TMEM19: variants seen among roughly 807,000 people sequenced by gnomAD.
TMEM19 encodes the protein transmembrane protein 19.
A neutral mutation model predicts 33.6 loss-of-function variants in TMEM19; 21 were observed. The ratio of observed to expected loss-of-function variants is 0.62; its 90% CI spans 0.44 to 0.90. The LOEUF (loss-of-function observed/expected upper bound fraction) is 0.90, where lower values mean the gene tolerates loss of function less well. TMEM19 is among the 40% of genes least tolerant of loss of function. The probability of loss-of-function intolerance (pLI) is 0.00; values close to 1 mark genes in which losing one functional copy is unlikely to be tolerated. For missense variants in TMEM19, 402 were observed against 401.8 expected (o/e 1.00, Z 0.00); for synonymous variants, 149 against 147.5 (o/e 1.01, Z -0.07).
At chr12:71,686,957 A>G (rs892197326) in intron 1 of TMEM19, 147 bp downstream of exon 1, 2 of 684,652 alleles carry the variant, frequency 2.9e-6, no homozygotes, top group Non-Finnish European at 4.6e-6. Flanking sequence ...TAACTTACTA[A>G]CATGATAGTA....
Position 71,686,716 on chromosome 12 carries a change from T to C in TMEM19, c.36T>C (p.Tyr12=), listed in dbSNP as rs376022933. The change falls in exon 1 of 6, where the codon TAT becomes TAC. Residue 12 remains tyrosine, a synonymous_variant. Coordinates refer to ENST00000266673, the MANE Select transcript of TMEM19 (RefSeq NM_018279.4). ...TTAACGACAATATATGCAAAAGATA[T>C]ATAAAGATGATAACTAATATAGTTA... ...TDLNDNICKR[Y]IKMITNIVIL... 5.6e-6 allele frequency: 9 copies of C among 1,611,928 alleles called. No individual in the cohort carries two copies. Among genetic ancestry groups the C allele is most frequent in the South Asian group, 1.1e-5 (1 of 90,704 alleles).
At position 71,686,736 on chromosome 12, in the gene TMEM19, T is replaced by C. The variant is rs148461856; in HGVS notation, c.56T>C (p.Ile19Thr). 18 of 1,612,688 alleles carry C rather than the reference T, an allele frequency of 1.1e-5. No individual in the cohort carries two copies. The highest frequency in any genetic ancestry group is 1.4e-5 in the Non-Finnish European group (17 of 1,179,340). The change falls in exon 1 of 6, where the codon ATA (isoleucine) becomes ACA (threonine). Residue 19 changes from isoleucine (I) to threonine (T), a missense_variant. Transcript: ENST00000266673. ...CKRYIKMITN[I>T]VILSLIICIS... ...AGATATATAAAGATGATAACTAATA[T>C]AGTTATACTGAGCCTGATCATTTGC...
Position 71,704,043 on chromosome 12 carries a change from C to A in TMEM19, c.*3048C>A, listed in dbSNP as rs191595666. ...TCTATGTAACAGCATAATAAAACTG[C>A]CTACCTAGCAGCATAAAGGTGTACT... is the stretch of plus-strand genomic sequence containing the variant. On this transcript the variant is annotated 3_prime_UTR_variant, in exon 6 of 6. Coordinates refer to ENST00000266673, the MANE Select transcript of TMEM19 (RefSeq NM_018279.4). The A allele has an allele frequency of 1.5e-3, 683 of 452,026 alleles. 1 individual carries two copies. Among genetic ancestry groups the A allele is most frequent in the Non-Finnish European group, 2.5e-3 (552 of 224,122 alleles). The allele number at this position is 452,026 out of a possible 1,614,324, so 28.0% of individuals were successfully genotyped here. A position where few individuals can be genotyped will look rare whatever the true frequency, so the allele number is the denominator to read the frequency against.
chr12:71,688,245 T>A (rs1881726058), intron 1 of TMEM19, among the ~76,000 whole-genome samples: 1 of 152,204 alleles, frequency 6.6e-6, no homozygotes, highest in South Asian at 2.1e-4. Context: ...TCATTTCCCC[T>A]TTATTTTTCT....
At position 71,701,203 on chromosome 12, in the gene TMEM19, T is replaced by TA. The variant is rs1285456532; in HGVS notation, c.*209dup. 1 of 436,050 alleles carries TA rather than the reference T, an allele frequency of 2.3e-6. No individual in the cohort carries two copies. Among genetic ancestry groups the TA allele is most frequent in the African/African-American group, 2.0e-5 (1 of 49,736 alleles). The allele number at this position is 436,050 out of a possible 1,614,324, so 27.0% of individuals were successfully genotyped here. On this transcript the variant is annotated 3_prime_UTR_variant, in exon 6 of 6. Transcript: ENST00000266673. ...GTGAAAGAGAAGAATTCCTAGAACT[T>TA]ATGCATTTTTTTCCTGCTGAATGGA...
intron 2 of TMEM19, among the ~76,000 whole-genome samples, chr12:71,695,572 T>C (rs1452130381): frequency 6.6e-6 from 1 of 152,246 alleles, no homozygotes; most frequent in Non-Finnish European, 1.5e-5. Flanking sequence ...TTATCATTAT[T>C]ATTGTTGAGC....
intron 3 of TMEM19, among the ~76,000 whole-genome samples, chr12:71,696,787 C>T (rs1385311516): frequency 6.6e-6 from 1 of 151,986 alleles, no homozygotes; most frequent in African/African-American, 2.4e-5. Context: ...GCTGGGACTA[C>T]AGGCGCCTGC....
At chr12:71,689,401 C>T (rs1305673429) in intron 1 of TMEM19, among the ~76,000 whole-genome samples, 190 bp from the exon 2 acceptor site, 3 of 152,176 alleles carry the variant, frequency 2.0e-5, no homozygotes, top group African/African-American at 7.2e-5. Context: ...ATGAAATCAC[C>T]TAAGGATGCA....
intron 1 of TMEM19, among the ~76,000 whole-genome samples, chr12:71,687,870 T>G (rs552410082): frequency 6.6e-6 from 1 of 152,292 alleles, no homozygotes; most frequent in African/African-American, 2.4e-5. Context: ...ATGAGAATGC[T>G]TGTATCGTAA....
At chr12:71,695,065 C>T (rs1881847604) in intron 2 of TMEM19, among the ~76,000 whole-genome samples, 1 of 152,172 alleles carries the variant, frequency 6.6e-6, no homozygotes, top group Non-Finnish European at 1.5e-5. Context: ...TATATATGAA[C>T]CCCTTATCAA....
At chr12:71,699,319 T>C (rs1189401210) in intron 5 of TMEM19, 2 of 613,756 alleles carry the variant, frequency 3.3e-6, no homozygotes, top group Admixed American at 2.9e-5. Context: ...CAGCAATGAT[T>C]AGAAGCCATG....
intron 1 of TMEM19, among the ~76,000 whole-genome samples, chr12:71,687,605 A>C (rs994007582): frequency 6.6e-6 from 1 of 152,210 alleles, no homozygotes; most frequent in African/African-American, 2.4e-5. Flanking sequence ...ATGTTCTGTA[A>C]AAATAATAAG....
intron 3 of TMEM19, 116 bp downstream of exon 3, chr12:71,696,689 C>T (rs1881878441): frequency 4.2e-6 from 4 of 956,334 alleles, no homozygotes; most frequent in East Asian, 5.9e-5. Context: ...CTCTGTTGCC[C>T]AGGCTGGAGT....
chr12:71,687,080 G>A (rs1881704207), intron 1 of TMEM19, among the ~76,000 whole-genome samples: 2 of 151,242 alleles, frequency 1.3e-5, no homozygotes, highest in African/African-American at 4.9e-5. Flanking sequence ...TGCTAGGCTG[G>A]TCTCAAACCC....
chr12:71,700,855 G>C lies in TMEM19; in HGVS notation c.871G>C (p.Val291Leu). The C allele has an allele frequency of 6.2e-7, 1 of 1,608,878 alleles. No homozygotes were observed. ...YTGLDESTGM[V>L]VNSPTNKARH... ...AGGGTTGGATGAAAGCACTGGCATGGTGGTCAACAGCCCAACAAATAAGGC... is the reference window on the plus strand; with the variant it reads ...AGGGTTGGATGAAAGCACTGGCATGCTGGTCAACAGCCCAACAAATAAGGC... The change falls in exon 6 of 6, where the codon GTG becomes CTG. Residue 291 changes from valine (V) to leucine (L), a missense_variant. Val to Leu is a conservative substitution (Grantham distance 32, BLOSUM62 1). Transcript: ENST00000266673.
intron 3 of TMEM19, 144 bp downstream of exon 3, chr12:71,696,717 G>C (rs1881879055): frequency 1.1e-5 from 7 of 664,726 alleles, no homozygotes; most frequent in South Asian, 8.7e-5. Flanking sequence ...CGCAATCTCG[G>C]CTCGCTGTAA....
chr12:71,696,637 T>C, intron 3 of TMEM19, 64 bp downstream of exon 3: 2 of 1,356,598 alleles, frequency 1.5e-6, no homozygotes, highest in Non-Finnish European at 2.0e-6. Flanking sequence ...TAAGGTTTTT[T>C]TTTGTTTTTG....
chr12:71,689,392 T>C (rs1051877910), intron 1 of TMEM19, among the ~76,000 whole-genome samples, 199 bp from the exon 2 acceptor site: 2 of 152,224 alleles, frequency 1.3e-5, no homozygotes, highest in African/African-American at 4.8e-5. Context: ...TGCATAACCA[T>C]GAAATCACCT....
chr12:71,693,804 C>T (rs780714966), intron 2 of TMEM19, among the ~76,000 whole-genome samples: 5 of 152,070 alleles, frequency 3.3e-5, no homozygotes, highest in South Asian at 2.1e-4. Context: ...ATAAGTCTCA[C>T]GAGAGCTGAT....
Sources: allele counts gnomAD v4.1 joint callset (sites outside exome capture counted in the v4.1 genomes callset), GRCh38; gene constraint gnomAD v4.1.1; transcripts MANE v1.5; gene names NCBI Gene and HGNC (gene_info 2026-07-23, HGNC 2026-07-21).